Variants in ADSS1 observed in about 807,000 individuals in gnomAD.
ADSS1 encodes the protein adenylosuccinate synthase 1.
ADSS1 carries 57 observed loss-of-function variants against 59.1 expected under a neutral mutation model. The observed-to-expected ratio is 0.97, with a 90% CI of 0.78 to 1.20. The LOEUF (loss-of-function observed/expected upper bound fraction) is 1.20. Ranked by LOEUF, ADSS1 falls within the 50% of genes most tolerant of loss-of-function variation. The pLI is 0.00. For missense variants in ADSS1, 603 were observed against 610.3 expected, an observed-to-expected ratio of 0.99 and a Z score of 0.13; for synonymous variants, 247 against 249.4, an observed-to-expected ratio of 0.99 and a Z score of 0.09.
chr14:104,727,333 C>A (rs923768991), intron 1 of ADSS1, among the ~76,000 whole-genome samples: 7 of 152,104 alleles, frequency 4.6e-5, no homozygotes, highest in Non-Finnish European at 8.8e-5. Flanking sequence ...ACACCCCCAC[C>A]TCACACCTCG....
chr14:104,736,897 T>TATATAC (rs1203086239), intron 2 of ADSS1, among the ~76,000 whole-genome samples: 30 of 139,972 alleles, frequency 2.1e-4, no homozygotes, highest in Admixed American at 2.1e-4. Context: ...TATATATATA[T>TATATAC]ATATATATAT....
chr14:104,735,119 A>G lies in ADSS1; in HGVS notation c.292A>G (p.Ile98Val), dbSNP rs1480614345. 1 of 1,608,232 alleles carries G rather than the reference A, an allele frequency of 6.2e-7. No homozygotes were observed. The highest frequency in any genetic ancestry group is 8.5e-7 in the Non-Finnish European group (1 of 1,176,622). Residue 98 changes from isoleucine (I) to valine (V), a missense_variant, in exon 2 of 13, where the codon ATT becomes GTT. Transcript: ENST00000330877. ...GIINTKAVSF[I>V]GNGVVIHLPG... Reference sequence around the variant, plus strand: ...CATCAACACCAAGGCCGTGTCCTTCATTGGTGAGTGCCCTGCCCCGACCTG... The same window carrying G: ...CATCAACACCAAGGCCGTGTCCTTCGTTGGTGAGTGCCCTGCCCCGACCTG...
At chr14:104,724,540 C>G (rs1192676419) in intron 1 of ADSS1, 78 bp downstream of exon 1, 1 of 1,228,126 alleles carries the variant, frequency 8.1e-7, no homozygotes, top group Non-Finnish European at 1.0e-6. Flanking sequence ...CCCTGTCCTC[C>G]CATGCCCTGG....
At chr14:104,738,247 C>G (rs764615951) in intron 2 of ADSS1, 129 bp from the exon 3 acceptor site, 1 of 876,180 alleles carries the variant, frequency 1.1e-6, no homozygotes, top group Non-Finnish European at 1.8e-6. Context: ...ATCCTCCTGC[C>G]TCAGCCTCCC....
At chr14:104,734,172 C>A (rs1028083587) in intron 1 of ADSS1, among the ~76,000 whole-genome samples, 1 of 152,222 alleles carries the variant, frequency 6.6e-6, no homozygotes, top group African/African-American at 2.4e-5. Flanking sequence ...CCCTATCAGC[C>A]GTGCCTTGGG....
At position 104,740,221 on chromosome 14, in the gene ADSS1, T is replaced by A. The variant is rs1306680094; in HGVS notation, c.477-380T>A. On this transcript the variant is annotated intron_variant, in intron 5 of 12. Transcript: ENST00000330877. The surrounding 1 kb of genome is among the most constrained non-coding windows in gnomAD (Gnocchi z 4.8). ...GTGTCCTGCCTCAGAGAGGTGATGG[T>A]CACACACTTACCCACTCACACTCTC... Among the ~76,000 whole-genome samples, 1 of 151,796 alleles carries A rather than the reference T, an allele frequency of 6.6e-6. No individual in the cohort carries two copies. Among genetic ancestry groups the A allele is most frequent in the African/African-American group, 2.4e-5 (1 of 41,284 alleles).
intron 1 of ADSS1, among the ~76,000 whole-genome samples, chr14:104,729,505 G>A (rs943790031): frequency 3.3e-4 from 47 of 144,060 alleles, no homozygotes; most frequent in Admixed American, 5.6e-4. Flanking sequence ...AGGTAGCGTC[G>A]GCGTGGGGGA....
chr14:104,739,509 T>C, intron 4 of ADSS1, 131 bp downstream of exon 4: 1 of 1,108,136 alleles, frequency 9.0e-7, no homozygotes, highest in East Asian at 2.6e-5. Flanking sequence ...CTCCATTAGC[T>C]TGTACATTAC....
chr14:104,734,931 G>A, intron 1 of ADSS1, 89 bp from the exon 2 acceptor site: 5 of 1,125,000 alleles, frequency 4.4e-6, no homozygotes, highest in Non-Finnish European at 6.6e-6. Flanking sequence ...GTGCCCTGCA[G>A]GGACAGACGA....
chr14:104,731,900 C>T (rs1401906716), intron 1 of ADSS1, among the ~76,000 whole-genome samples: 1 of 152,214 alleles, frequency 6.6e-6, no homozygotes, highest in Non-Finnish European at 1.5e-5. Flanking sequence ...ATCCATGGAC[C>T]CATCTACTGG....
intron 5 of ADSS1, 32 bp downstream of exon 5, chr14:104,739,848 G>A: frequency 6.2e-7 from 1 of 1,611,694 alleles, no homozygotes; most frequent in Non-Finnish European, 8.5e-7. Context: ...CACCCTCGGG[G>A]AGTCTTCTGG....
intron 1 of ADSS1, among the ~76,000 whole-genome samples, chr14:104,725,544 G>C (rs1180709991): frequency 6.6e-6 from 1 of 152,102 alleles, no homozygotes; most frequent in African/African-American, 2.4e-5. Context: ...CTGCCGGAAG[G>C]GACTGTGGCT....
intron 2 of ADSS1, chr14:104,737,266 G>T (rs906803216): frequency 6.6e-6 from 1 of 152,002 alleles, no homozygotes; most frequent in African/African-American, 2.4e-5. Flanking sequence ...TCAACCCTCG[G>T]CAGCCACTCA....
chr14:104,726,237 G>T (rs1890714593), intron 1 of ADSS1, among the ~76,000 whole-genome samples: 2 of 152,266 alleles, frequency 1.3e-5, no homozygotes. Flanking sequence ...ATCCTGAAGA[G>T]CTCCTTCACA....
In ADSS1 at chr14:104,724,411, C is replaced by G; in HGVS notation, c.141C>G (p.Gly47=). 1 of 1,265,372 alleles carries G rather than the reference C, an allele frequency of 7.9e-7. No homozygotes were observed. Among genetic ancestry groups the G allele is most frequent in the Non-Finnish European group, 1.0e-6 (1 of 1,000,048 alleles). 78.4% of individuals were successfully genotyped at this position (1,265,372 alleles called of 1,614,324 possible). A position where few individuals can be genotyped will look rare whatever the true frequency, so the allele number is the denominator to read the frequency against. Residue 47 remains glycine, a synonymous_variant, in exon 1 of 13, where the codon GGC becomes GGG. Coordinates refer to ENST00000330877, the MANE Select transcript of ADSS1 (RefSeq NM_152328.5). ...CGCAGTGGGGGGACGAGGGCAAAGGCAAGGTGGTGGACCTGCTGGCCACGG... is the reference window on the plus strand; with the variant it reads ...CGCAGTGGGGGGACGAGGGCAAAGGGAAGGTGGTGGACCTGCTGGCCACGG... ...LGAQWGDEGK[G]KVVDLLATDA...
chr14:104,739,029 A>C (rs1293241182), intron 3 of ADSS1, among the ~76,000 whole-genome samples: 1 of 152,160 alleles, frequency 6.6e-6, no homozygotes, highest in Non-Finnish European at 1.5e-5. Flanking sequence ...GCAGCTAGGG[A>C]GGAAAGCCGG....
chr14:104,730,229 T>C (rs1890872994), intron 1 of ADSS1: 1 of 1,481,712 alleles, frequency 6.7e-7, no homozygotes, highest in Non-Finnish European at 9.0e-7. Flanking sequence ...TGCGGTGGCG[T>C]ACATCTGTAA....
intron 1 of ADSS1, 115 bp from the exon 2 acceptor site, chr14:104,734,905 C>A: frequency 1.2e-6 from 1 of 859,956 alleles, no homozygotes; most frequent in Non-Finnish European, 1.9e-6. Flanking sequence ...ACCAGACACC[C>A]CAAAATCCAA....
At chr14:104,742,987 G>A in intron 9 of ADSS1, 80 bp from the exon 10 acceptor site, 2 of 1,589,656 alleles carry the variant, frequency 1.3e-6, no homozygotes, top group Non-Finnish European at 1.7e-6. Context: ...GCTGTGTGCA[G>A]GGAGGAGGGG....
Sources: gnomAD v4.1 joint callset for allele counts (sites outside exome capture counted in the v4.1 genomes callset) on GRCh38, gnomAD v4.1.1 for gene constraint, Gnocchi (gnomAD v3.1) non-coding constraint, MANE v1.5 for transcripts, NCBI Gene and HGNC (gene_info 2026-07-23, HGNC 2026-07-21) for gene names.